Variants in PDE6A observed in about 807,000 individuals in gnomAD.
PDE6A encodes phosphodiesterase 6A.
Under a neutral mutation model 106.3 loss-of-function variants are expected in PDE6A, and 84 were observed. That is an observed-to-expected ratio of 0.79 (90% CI 0.66 to 0.95). The LOEUF (loss-of-function observed/expected upper bound fraction) is 0.95. Among genes scored for constraint, PDE6A ranks in the 40% least tolerant of loss-of-function variants. The pLI, the probability that PDE6A is intolerant of heterozygous loss-of-function variation, is 0.00. For synonymous variants in PDE6A, 394 were observed against 386.6 expected, an observed-to-expected ratio of 1.02 and a Z score of -0.23; for missense variants, 1,052 against 1,084.9, an observed-to-expected ratio of 0.97 and a Z score of 0.43.
chr5:149,869,749 A>G (rs1028984648), intron 17 of PDE6A, among the ~76,000 whole-genome samples: 40 of 151,984 alleles, frequency 2.6e-4, no homozygotes, highest in Admixed American at 6.6e-5. Context: ...ATGGAGGGGG[A>G]TGGGGTGCTG....
chr5:149,863,930 G>A lies in PDE6A; in HGVS notation c.2359-664C>T, dbSNP rs116811038. ...TGAGCCACCATGCTCAACCCAAGCT[G>A]TTCACTTTGCTGGAACACTCTAACC... On this transcript the variant is annotated intron_variant, in intron 20 of 21. Coordinates refer to ENST00000255266, the MANE Select transcript of PDE6A (RefSeq NM_000440.3). This position sits in a 1 kb window ranked among gnomAD's most constrained non-coding sequence, Gnocchi z 4.7. 3.6e-4 allele frequency among the ~76,000 whole-genome samples: 54 copies of A among 151,908 alleles called. No individual in the cohort carries two copies. Among genetic ancestry groups the A allele is most frequent in the Non-Finnish European group, 5.7e-4 (39 of 67,906 alleles).
chr5:149,929,381 C>T (rs937765303), intron 4 of PDE6A, among the ~76,000 whole-genome samples: 3 of 152,046 alleles, frequency 2.0e-5, no homozygotes, highest in Admixed American at 1.3e-4. Context: ...CCGAGGCAGG[C>T]GGATCACGAG....
At chr5:149,883,926 C>T (rs1262308254) in intron 16 of PDE6A, among the ~76,000 whole-genome samples, 1 of 152,140 alleles carries the variant, frequency 6.6e-6, no homozygotes, top group East Asian at 1.9e-4. Context: ...GGTGCAGTGG[C>T]TCATGCCTGT....
chr5:149,944,458 T>C lies in PDE6A; in HGVS notation c.216A>G (p.Leu72=), dbSNP rs570928102. 173 of 1,614,178 alleles carry C rather than the reference T, an allele frequency of 1.1e-4. 1 individual carries two copies. In the South Asian group the frequency reaches 1.9e-3, roughly 17 times the overall value. ...CATTGAAGATGCATTTCTCTGTCTG[T>C]AAATTCTCCTGAAAGTCCCGCAGGA... ...FDLLRDFQEN[L]QTEKCIFNVM... Residue 72 remains leucine (L), a synonymous_variant, in exon 1 of 22, where the codon TTA becomes TTG. Coordinates refer to ENST00000255266, the MANE Select transcript of PDE6A (RefSeq NM_000440.3).
chr5:149,944,649 C>T lies in PDE6A; in HGVS notation c.25G>A (p.Val9Met), dbSNP rs755922442. 28 of 1,611,710 alleles carry T rather than the reference C, an allele frequency of 1.7e-5. 1 individual carries two copies. In the South Asian group the frequency reaches 3.1e-4, roughly 18 times the overall value. Residue 9 changes from valine to methionine, a missense_variant, in exon 1 of 22, where the codon GTG becomes ATG. Physicochemically the swap from Val to Met is conservative, Grantham distance 21. Transcript: ENST00000255266. MGEVTAEEVEKFLDSNIGF... is the reference protein window; with the variant it reads MGEVTAEEMEKFLDSNIGF... ...ATATTCGAGTCCAGGAACTTCTCCA[C>T]CTCCTCTGCTGTCACCTCGCCCATG...
rs2113486178 is a variant in PDE6A at position 149,860,161 on chromosome 5, G to C, written c.*734C>G. The stretch of plus-strand genomic sequence containing the variant: ...CCCACCTCAGCCTCCTGAAGTGCTG[G>C]GATTACAGGTGTGAGCCACCACGCC... On this transcript the variant is annotated 3_prime_UTR_variant, in exon 22 of 22. Transcript: ENST00000255266. The C allele has an allele frequency of 6.6e-6, 1 of 152,282 alleles. No individual in the cohort carries two copies. Among genetic ancestry groups the C allele is most frequent in the African/African-American group, 2.4e-5 (1 of 41,528 alleles). The allele number at this position is 152,282 out of a possible 1,614,324, so 9.4% of individuals were successfully genotyped here.
chr5:149,912,481 A>G (rs1013313033), intron 6 of PDE6A, among the ~76,000 whole-genome samples: 1 of 152,190 alleles, frequency 6.6e-6, no homozygotes, highest in African/African-American at 2.4e-5. Flanking sequence ...GTGGCCATGT[A>G]ACTAGCTTTG....
intron 17 of PDE6A, among the ~76,000 whole-genome samples, chr5:149,869,524 G>A (rs1415497312): frequency 6.6e-6 from 1 of 152,220 alleles, no homozygotes; most frequent in African/African-American, 2.4e-5. Flanking sequence ...GGAGCAAGGG[G>A]GGTGGATTTG....
intron 21 of PDE6A, among the ~76,000 whole-genome samples, chr5:149,862,197 A>G (rs778361159): frequency 1.3e-5 from 2 of 152,216 alleles, no homozygotes; most frequent in Non-Finnish European, 2.9e-5. Flanking sequence ...TCAGTAAAAG[A>G]AATGACTTGG....
intron 17 of PDE6A, among the ~76,000 whole-genome samples, chr5:149,869,107 A>T (rs1298709202): frequency 3.3e-5 from 5 of 152,204 alleles, no homozygotes; most frequent in African/African-American, 7.2e-5. Flanking sequence ...AGGTGGGCGG[A>T]TCACTTGCAG....
In PDE6A at chr5:149,867,754, C is replaced by T. The variant is rs762690268; in HGVS notation, c.2245G>A (p.Glu749Lys). ...AAEFWEQGDL[E>K]RTVLQQNPIP... ...GGATTCTGTTGCAGCACCGTGCGCT[C>T]CAGGTCACCTTGTTCCCAGAATTCA... is the stretch of plus-strand genomic sequence containing the variant. The change falls in exon 19 of 22, where the codon GAG (glutamate) becomes AAG (lysine). Residue 749 changes from glutamate (E) to lysine (K), a missense_variant. Physicochemically the swap from Glu to Lys is moderately conservative, Grantham distance 56. Coordinates refer to ENST00000255266, the MANE Select transcript of PDE6A (RefSeq NM_000440.3). The T allele has an allele frequency of 9.3e-6, 15 of 1,613,790 alleles. No individual in the cohort carries two copies. Among genetic ancestry groups the T allele is most frequent in the Non-Finnish European group, 1.3e-5 (15 of 1,180,006 alleles).
chr5:149,897,730 G>A (rs1423528270), intron 10 of PDE6A, among the ~76,000 whole-genome samples: 1 of 152,058 alleles, frequency 6.6e-6, no homozygotes, highest in Non-Finnish European at 1.5e-5. Context: ...ACAGGCACAC[G>A]CCACCATGCC....
At chr5:149,867,463 G>C (rs1760371937) in intron 19 of PDE6A, 1 of 576,832 alleles carries the variant, frequency 1.7e-6, no homozygotes, top group Non-Finnish European at 3.1e-6. Flanking sequence ...GGGCTTACTA[G>C]TTAGAGCATT....
chr5:149,940,334 C>A (rs369198268), intron 1 of PDE6A, among the ~76,000 whole-genome samples: 2 of 152,246 alleles, frequency 1.3e-5, no homozygotes, highest in South Asian at 2.1e-4. Flanking sequence ...TTGGATGAGT[C>A]CTCCGGAAAG....
At chr5:149,886,715 C>T (rs1296052892) in intron 13 of PDE6A, among the ~76,000 whole-genome samples, 1 of 152,152 alleles carries the variant, frequency 6.6e-6, no homozygotes, top group Non-Finnish European at 1.5e-5. Context: ...TTTTGAGAAA[C>T]TTGTAGAAGT....
chr5:149,918,029 A>G (rs1323091623), intron 5 of PDE6A, among the ~76,000 whole-genome samples: 1 of 152,184 alleles, frequency 6.6e-6, no homozygotes, highest in Non-Finnish European at 1.5e-5. Flanking sequence ...GAGAAAGAAA[A>G]TTGTTTTAGA....
intron 13 of PDE6A, among the ~76,000 whole-genome samples, chr5:149,889,763 T>G (rs1447245341): frequency 6.6e-6 from 1 of 151,830 alleles, no homozygotes; most frequent in Non-Finnish European, 1.5e-5. Flanking sequence ...AAAAGTTAGC[T>G]TGGCCCGGTG....
Position 149,944,648 on chromosome 5 carries a change from AC to A in PDE6A, c.25del (p.Val9TrpfsTer74). On this transcript the variant is annotated frameshift_variant, in exon 1 of 22. Transcript: ENST00000255266. LOFTEE classifies it high-confidence loss of function. The stretch of plus-strand genomic sequence containing the variant: ...AATATTCGAGTCCAGGAACTTCTCC[AC>A]CTCCTCTGCTGTCACCTCGCCCATG... Reference protein sequence around the residue: MGEVTAEEVEKFLDSNIGF... With the variant: MGEVTAEEXEKFLDSNIGF... 6.2e-7 allele frequency: 1 copy of A among 1,611,052 alleles called. No homozygotes were observed. Among genetic ancestry groups the A allele is most frequent in the Non-Finnish European group, 8.5e-7 (1 of 1,178,876 alleles).
intron 17 of PDE6A, among the ~76,000 whole-genome samples, chr5:149,881,057 C>T (rs562768794): frequency 2.0e-5 from 3 of 151,926 alleles, no homozygotes; most frequent in African/African-American, 7.2e-5. Context: ...AGTGAGACAC[C>T]GTCTCAGAAA....
Sources: allele counts gnomAD v4.1 joint callset (sites outside exome capture counted in the v4.1 genomes callset), GRCh38; gene constraint gnomAD v4.1.1; non-coding constraint Gnocchi (gnomAD v3.1); transcripts MANE v1.5; gene names NCBI Gene and HGNC (gene_info 2026-07-23, HGNC 2026-07-21).